Variants in DHX36 observed in about 807,000 individuals in gnomAD.
The protein encoded by DHX36 is DEAH-box helicase 36.
In DHX36, 50 loss-of-function variants were observed where a neutral mutation model predicts 139.0. That is an observed-to-expected ratio of 0.36 (90% confidence interval 0.29 to 0.46). The LOEUF (loss-of-function observed/expected upper bound fraction) is 0.46. Ranked by LOEUF, DHX36 falls within the 20% of genes least tolerant of loss-of-function variation. The probability of loss-of-function intolerance (pLI) is 1.00; values close to 1 mark genes in which losing one functional copy is unlikely to be tolerated. For synonymous variants in DHX36, 425 were observed against 401.9 expected, an observed-to-expected ratio of 1.06 and a Z score of -0.69; for missense variants, 1,024 against 1,211.3, an observed-to-expected ratio of 0.85 and a Z score of 2.29.
At chr3:154,280,451 T>A in intron 22 of DHX36, 128 bp downstream of exon 22, 1 of 681,172 alleles carries the variant, frequency 1.5e-6, no homozygotes, top group Non-Finnish European at 2.5e-6. Flanking sequence ...CTGAAATGAT[T>A]AAAAGAACAA....
chr3:154,309,927 T>C (rs760684396), intron 4 of DHX36, 104 bp from the exon 5 acceptor site: 41 of 900,964 alleles, frequency 4.6e-5, no homozygotes, highest in Non-Finnish European at 6.6e-5. Context: ...TTAACAAACA[T>C]ATTAATGCTT....
intron 6 of DHX36, chr3:154,305,449 A>T (rs1712461634): frequency 3.8e-6 from 1 of 266,326 alleles, no homozygotes; most frequent in South Asian, 6.1e-5. Flanking sequence ...GGGCCTAAAT[A>T]TTTGGTTCGT....
In DHX36 at chr3:154,289,796, A is replaced by G. The variant is rs192029393; in HGVS notation, c.1845T>C (p.Tyr615=). 20 of 1,610,714 alleles carry G rather than the reference A, an allele frequency of 1.2e-5. No individual in the cohort carries two copies. In the Admixed American group the frequency reaches 3.3e-4, roughly 27 times the overall value. ...CTAGAAGACTTGCTCTAAGACCATT[A>G]TACAGATGATAGCAATGACCAGGTT... ...RVQPGHCYHL[Y]NGLRASLLDD... is the part of the protein sequence containing the mutation. The change falls in exon 16 of 25, where the codon TAT becomes TAC. Residue 615 remains tyrosine (Y), a synonymous_variant. Coordinates refer to ENST00000496811, the MANE Select transcript of DHX36 (RefSeq NM_020865.3).
At position 154,283,287 on chromosome 3, in the gene DHX36, A is replaced by G. The variant is rs373905367; in HGVS notation, c.2293-16T>C. 1 of 1,577,714 alleles carries G rather than the reference A, an allele frequency of 6.3e-7. No individual in the cohort carries two copies. The highest frequency in any genetic ancestry group is 1.3e-5 in the African/African-American group (1 of 74,232). On this transcript the variant is annotated splice_polypyrimidine_tract_variant and intron_variant, in intron 19 of 24. Transcript: ENST00000496811. Reference sequence around the variant, plus strand: ...CTTCCCAGCCCTATGGGGCAAAGAAATGAAGAAATCTATATTTCTCCCGCA... The same window carrying G: ...CTTCCCAGCCCTATGGGGCAAAGAAGTGAAGAAATCTATATTTCTCCCGCA...
intron 15 of DHX36, among the ~76,000 whole-genome samples, chr3:154,291,184 A>C (rs1395556913): frequency 6.7e-6 from 1 of 150,360 alleles, no homozygotes; most frequent in African/African-American, 2.4e-5. Context: ...TGAAAGCCAC[A>C]TACTATAGCT....
chr3:154,292,164 C>T (rs928212004), intron 15 of DHX36, among the ~76,000 whole-genome samples: 1 of 152,116 alleles, frequency 6.6e-6, no homozygotes, highest in Non-Finnish European at 1.5e-5. Context: ...ATATAATAAC[C>T]TACCTCATAG....
At chr3:154,307,996 T>G (rs1712573745) in intron 5 of DHX36, among the ~76,000 whole-genome samples, 1 of 152,080 alleles carries the variant, frequency 6.6e-6, no homozygotes, top group African/African-American at 2.4e-5. Context: ...ATATCATATT[T>G]CACATAAGTG....
intron 20 of DHX36, among the ~76,000 whole-genome samples, chr3:154,281,874 C>T (rs1271321785): frequency 1.1e-4 from 3 of 26,400 alleles, no homozygotes; most frequent in Non-Finnish European, 1.7e-4. Context: ...TATTTAAATA[C>T]TTCTAATGTA....
intron 20 of DHX36, 53 bp downstream of exon 20, chr3:154,283,135 T>A (rs1559945441): frequency 4.4e-6 from 6 of 1,355,060 alleles, no homozygotes; most frequent in Non-Finnish European, 5.3e-6. Flanking sequence ...AATGGATGTA[T>A]ATATTCTCTA....
In DHX36 at chr3:154,311,606, CAAATT is replaced by C. The variant is rs755927418; in HGVS notation, c.642+25_642+29del. On this transcript the variant is annotated intron_variant, in intron 4 of 24. Coordinates refer to ENST00000496811, the MANE Select transcript of DHX36 (RefSeq NM_020865.3). ...AAAATTGTGTATTTAATTTGCAAAT[CAAATT>C]AAATAGTGGAAAAAAGCACTTTACC... 6.4e-6 allele frequency: 10 copies of C among 1,572,818 alleles called. 1 individual carries two copies. In the South Asian group the frequency reaches 1.1e-4, roughly 17 times the overall value.
At chr3:154,278,931 C>T (rs1253249183) in intron 22 of DHX36, 1 of 152,246 alleles carries the variant, frequency 6.6e-6, no homozygotes, top group African/African-American at 2.4e-5. Context: ...CCCTGCATAA[C>T]TAGAGCAGTA....
chr3:154,285,339 T>C (rs1385164507), intron 17 of DHX36, among the ~76,000 whole-genome samples: 1 of 152,124 alleles, frequency 6.6e-6, no homozygotes, highest in Non-Finnish European at 1.5e-5. Flanking sequence ...GAATACATAA[T>C]GCACACTCTC....
In DHX36 at chr3:154,280,621, T is replaced by C. The variant is rs1391845027; in HGVS notation, c.2525A>G (p.Lys842Arg). The C allele has an allele frequency of 6.2e-7, 1 of 1,613,180 alleles. No homozygotes were observed. Residue 842 changes from lysine to arginine, a missense_variant, in exon 22 of 25, where the codon AAA becomes AGA. Lys to Arg is a conservative substitution (Grantham distance 26). Coordinates refer to ENST00000496811, the MANE Select transcript of DHX36 (RefSeq NM_020865.3). ...CAAATTTAGTCGAATTTTAGCAACT[T>C]TGGGATATAAACCAGCACAGATGAC... ...KAVICAGLYP[K>R]VAKIRLNLGK...
rs1218666080 is a variant in DHX36 at position 154,275,315 on chromosome 3, T to C, written c.*856A>G. Reference sequence around the variant, plus strand: ...TATATAAATAGCTGTTAAACTGTATTGTTTAGGGAATGACAAGGAAAAAAG... The same window carrying C: ...TATATAAATAGCTGTTAAACTGTATCGTTTAGGGAATGACAAGGAAAAAAG... On this transcript the variant is annotated 3_prime_UTR_variant, in exon 25 of 25. Coordinates refer to ENST00000496811, the MANE Select transcript of DHX36 (RefSeq NM_020865.3). 6.6e-6 allele frequency: 1 copy of C among 152,228 alleles called. No homozygotes were observed. Among genetic ancestry groups the C allele is most frequent in the African/African-American group, 2.4e-5 (1 of 41,458 alleles). 9.4% of individuals were successfully genotyped at this position (152,228 alleles called of 1,614,324 possible). A position where few individuals can be genotyped will look rare whatever the true frequency, so the allele number is the denominator to read the frequency against.
Position 154,276,128 on chromosome 3 carries a change from A to G in DHX36, c.*43T>C. The G allele has an allele frequency of 1.3e-6, 2 of 1,573,008 alleles. No individual in the cohort carries two copies. Among genetic ancestry groups the G allele is most frequent in the Non-Finnish European group, 1.7e-6 (2 of 1,160,754 alleles). On this transcript the variant is annotated 3_prime_UTR_variant, in exon 25 of 25. Transcript: ENST00000496811. ...AGCCAAAATTTAAACAATGATGAAGAATGGCTGTCAAACTGGCTTTTCAGA... is the reference window on the plus strand; with the variant it reads ...AGCCAAAATTTAAACAATGATGAAGGATGGCTGTCAAACTGGCTTTTCAGA...
chr3:154,300,657 C>A lies in DHX36; in HGVS notation c.1398G>T (p.Glu466Asp). The change falls in exon 11 of 25, where the codon GAG (glutamate) becomes GAT (aspartate). Residue 466 changes from glutamate (E) to aspartate (D), a missense_variant. Physicochemically the swap from Glu to Asp is conservative, Grantham distance 45. Around this residue, in one of 4 missense-constraint regions of DHX36, gnomAD observed 115 missense variants for 105.6 expected, o/e 1.09. Coordinates refer to ENST00000496811, the MANE Select transcript of DHX36 (RefSeq NM_020865.3). ...ASTVDVIEMMEDDKVDLNLIV... is the reference protein window; with the variant it reads ...ASTVDVIEMMDDDKVDLNLIV... The stretch of plus-strand genomic sequence containing the variant: ...TCAAATTCAGATCAACTTTATCATC[C>A]TCCATCATTTCTATAACATCTACAG... 1 of 1,613,776 alleles carries A rather than the reference C, an allele frequency of 6.2e-7. No homozygotes were observed. Among genetic ancestry groups the A allele is most frequent in the Non-Finnish European group, 8.5e-7 (1 of 1,179,816 alleles).
At chr3:154,281,375 TTAAA>T (rs1313549481) in intron 20 of DHX36, among the ~76,000 whole-genome samples, 1 of 152,046 alleles carries the variant, frequency 6.6e-6, no homozygotes, top group Non-Finnish European at 1.5e-5. Flanking sequence ...TGTTTTTTTT[TTAAA>T]TAATGATACA....
At chr3:154,286,183 A>AC (rs1337790800) in intron 17 of DHX36, among the ~76,000 whole-genome samples, 1 of 147,744 alleles carries the variant, frequency 6.8e-6, no homozygotes, top group Non-Finnish European at 1.5e-5. Context: ...AAAAAAAAAA[A>AC]AAAAAAAAAC....
rs768566751 is a variant in DHX36 at position 154,292,543 on chromosome 3, C to T, written c.1814+8G>A. 1 of 1,613,972 alleles carries T rather than the reference C, an allele frequency of 6.2e-7. No individual in the cohort carries two copies. Among genetic ancestry groups the T allele is most frequent in the Admixed American group, 1.7e-5 (1 of 60,000 alleles). On this transcript the variant is annotated splice_region_variant and intron_variant, in intron 15 of 24. Coordinates refer to ENST00000496811, the MANE Select transcript of DHX36 (RefSeq NM_020865.3). ...TTCTAAAAGCTTTGGACAGAGTTCC[C>T]ACCTTACCTTCCAGCTCGACCTTTT...
Sources: gnomAD v4.1 joint callset for allele counts (sites outside exome capture counted in the v4.1 genomes callset) on GRCh38, gnomAD v4.1.1 for gene constraint, gnomAD v4.1.1 regional missense constraint, MANE v1.5 for transcripts, NCBI Gene and HGNC (gene_info 2026-07-23, HGNC 2026-07-21) for gene names.